TAFA1: variants seen among roughly 807,000 people sequenced by gnomAD.
TAFA1 encodes TAFA chemokine like family member 1, also known as chemokine-like protein TAFA-1.
In TAFA1, 4 loss-of-function variants were observed where a neutral mutation model predicts 18.5. The observed-to-expected ratio is 0.22, with a 90% CI of 0.11 to 0.49. TAFA1 has a LOEUF of 0.49. TAFA1 is among the 20% of genes least tolerant of loss of function. TAFA1 has a pLI of 0.98. For missense variants in TAFA1, 147 were observed against 169.0 expected, an observed-to-expected ratio of 0.87 and a Z score of 0.72; for synonymous variants, 56 against 55.2, an observed-to-expected ratio of 1.01 and a Z score of -0.06.
chr3:68,219,744 G>T (rs2066707016), intron 2 of TAFA1, among the ~76,000 whole-genome samples: 1 of 152,116 alleles, frequency 6.6e-6, no homozygotes. Context: ...CTAATCAAGG[G>T]AATGATATCT....
intron 2 of TAFA1, among the ~76,000 whole-genome samples, chr3:68,202,516 G>A (rs1448092079): frequency 2.6e-5 from 4 of 151,344 alleles, no homozygotes; most frequent in South Asian, 2.1e-4. Flanking sequence ...TCTTTAGCAC[G>A]CTATACTAAA....
chr3:68,087,675 T>G (rs960035909), intron 2 of TAFA1, among the ~76,000 whole-genome samples: 7 of 151,872 alleles, frequency 4.6e-5, no homozygotes, highest in Non-Finnish European at 8.8e-5. Context: ...TCCATCCTTG[T>G]ATTTAAAACA....
intron 2 of TAFA1, among the ~76,000 whole-genome samples, chr3:68,258,751 A>G (rs1047726866): frequency 2.0e-5 from 3 of 152,226 alleles, no homozygotes; most frequent in African/African-American, 7.2e-5. Flanking sequence ...TTGGAGTATC[A>G]GAAGAGGTTG....
chr3:68,209,974 A>T (rs751846661), intron 2 of TAFA1, among the ~76,000 whole-genome samples: 45 of 151,936 alleles, frequency 3.0e-4, no homozygotes, highest in South Asian at 6.2e-4. Context: ...TCCTAAACAC[A>T]GTTAAACATG....
chr3:68,482,651 T>G (rs2072259960), intron 3 of TAFA1, among the ~76,000 whole-genome samples: 1 of 152,222 alleles, frequency 6.6e-6, no homozygotes, highest in Non-Finnish European at 1.5e-5. Context: ...AGAAGATTAA[T>G]TCCTCTACTC....
intron 2 of TAFA1, among the ~76,000 whole-genome samples, chr3:68,237,401 G>A (rs1344099024): frequency 6.6e-6 from 1 of 152,176 alleles, no homozygotes; most frequent in Non-Finnish European, 1.5e-5. Context: ...AATTTGGAGG[G>A]GGTAGGGAGG....
At chr3:68,206,134 C>T (rs546657488) in intron 2 of TAFA1, among the ~76,000 whole-genome samples, 2 of 151,862 alleles carry the variant, frequency 1.3e-5, no homozygotes, top group Middle Eastern at 6.8e-3. Flanking sequence ...TTGGTGAATG[C>T]TAAAGAATTT....
At chr3:68,172,895 A>G (rs1205946772) in intron 2 of TAFA1, among the ~76,000 whole-genome samples, 2 of 152,090 alleles carry the variant, frequency 1.3e-5, no homozygotes, top group Non-Finnish European at 2.9e-5. Context: ...CTGCTATGCA[A>G]ATTGACAGGG....
At position 68,513,124 on chromosome 3, in the gene TAFA1, T is replaced by A. The variant is rs62248596; in HGVS notation, c.260-25632T>A. On this transcript the variant is annotated intron_variant, in intron 3 of 4. Coordinates refer to ENST00000478136, the MANE Select transcript of TAFA1 (RefSeq NM_213609.4). ...TGGTATCAATGCCCAGGTTTTTTTA[T>A]GATTCCATTCCACTTTTCATCCACA... 4.5e-3 allele frequency among the ~76,000 whole-genome samples: 687 copies of A among 152,244 alleles called. 5 individuals are homozygous for A. The highest frequency in any genetic ancestry group is 6.9e-3 in the Non-Finnish European group (466 of 68,014).
chr3:68,470,567 A>G (rs1386936345), intron 3 of TAFA1, among the ~76,000 whole-genome samples: 1 of 152,206 alleles, frequency 6.6e-6, no homozygotes, highest in African/African-American at 2.4e-5. Context: ...GAACTGGAGC[A>G]AAGGTGGCTC....
chr3:68,422,535 G>GAATTAA (rs1366409712), intron 3 of TAFA1, among the ~76,000 whole-genome samples: 1 of 152,060 alleles, frequency 6.6e-6, no homozygotes, highest in Non-Finnish European at 1.5e-5. Context: ...CATTTTAAAA[G>GAATTAA]AAGCATATAT....
rs2073432379 is a variant in TAFA1 at position 68,544,882 on chromosome 3, G to A, written c.*379G>A. 2 of 152,182 alleles carry A rather than the reference G, an allele frequency of 1.3e-5. No homozygotes were observed. The highest frequency in any genetic ancestry group is 4.8e-5 in the African/African-American group (2 of 41,374). 9.4% of individuals were successfully genotyped at this position (152,182 alleles called of 1,614,324 possible). The stretch of plus-strand genomic sequence containing the variant: ...AGAAATGAACAGTACCACAGTTTGA[G>A]ACGGCTGGTGTACCCCTTTGAGTTT... On this transcript the variant is annotated 3_prime_UTR_variant, in exon 5 of 5. Transcript: ENST00000478136.
intron 3 of TAFA1, among the ~76,000 whole-genome samples, chr3:68,457,889 C>G (rs1510351): frequency 0.23 from 34,383 of 152,002 alleles, 4,273 homozygotes; most frequent in East Asian, 0.43. Context: ...GATGTTTTAA[C>G]AAACATCTTG....
the TAFA1 span, among the ~76,000 whole-genome samples, chr3:67,993,531 T>C: frequency 2.6e-5 from 4 of 152,310 alleles, no homozygotes; most frequent in Admixed American, 2.6e-4. Flanking sequence ...ACTATCCAAA[T>C]TCGTCTCTGT....
At chr3:68,175,063 C>G (rs13074660) in intron 2 of TAFA1, among the ~76,000 whole-genome samples, 29,024 of 152,206 alleles carry the variant, frequency 0.19, 3,158 homozygotes, top group Middle Eastern at 0.29. Context: ...GGCAGCTTCC[C>G]CAAGGTGCTG....
At chr3:68,043,064 T>C (rs1394909334) in intron 2 of TAFA1, among the ~76,000 whole-genome samples, 1 of 152,120 alleles carries the variant, frequency 6.6e-6, no homozygotes, top group Non-Finnish European at 1.5e-5. Context: ...TTTGTATTTT[T>C]AGTAGAGACG....
intron 3 of TAFA1, among the ~76,000 whole-genome samples, chr3:68,429,530 A>T (rs1375739791): frequency 6.6e-6 from 1 of 151,868 alleles, no homozygotes; most frequent in Non-Finnish European, 1.5e-5. Flanking sequence ...TCAGAGTACC[A>T]GTTCACTTCT....
chr3:68,052,814 A>G (rs1046427513), intron 2 of TAFA1, among the ~76,000 whole-genome samples: 2 of 152,222 alleles, frequency 1.3e-5, no homozygotes, highest in Admixed American at 6.5e-5. Context: ...ACTCCCACAA[A>G]TACAACATGA....
chr3:68,147,550 C>G (rs1423387641), intron 2 of TAFA1, among the ~76,000 whole-genome samples: 1 of 152,004 alleles, frequency 6.6e-6, no homozygotes, highest in Non-Finnish European at 1.5e-5. Context: ...CTCTAGTGGC[C>G]CCACCTGATT....
Sources: gnomAD v4.1 joint callset for allele counts (sites outside exome capture counted in the v4.1 genomes callset) on GRCh38, gnomAD v4.1.1 for gene constraint, MANE v1.5 for transcripts, NCBI Gene and HGNC (gene_info 2026-07-23, HGNC 2026-07-21) for gene names.